The following RBFOX1 variants were observed in gnomAD, a reference collection of about 807,000 sequenced individuals.
RBFOX1 encodes the protein RNA binding fox-1 homolog 1, also known as RNA binding protein fox-1 homolog 1.
A neutral mutation model predicts 57.7 loss-of-function variants in RBFOX1; 8 were observed. The ratio of observed to expected loss-of-function variants is 0.14; its 90% CI spans 0.08 to 0.25. RBFOX1 has a LOEUF of 0.25. Among genes scored for constraint, RBFOX1 ranks in the 10% least tolerant of loss-of-function variants. The pLI, the probability that RBFOX1 is intolerant of heterozygous loss-of-function variation, is 1.00. For missense variants in RBFOX1, 611 were observed against 548.5 expected (o/e 1.11, Z -1.14); for synonymous variants, 326 against 222.4 (o/e 1.47, Z -4.15).
At chr16:6,115,770 A>G (rs1289251124) in intron 1 of RBFOX1, among the ~76,000 whole-genome samples, 2 of 152,194 alleles carry the variant, frequency 1.3e-5, no homozygotes, top group Non-Finnish European at 2.9e-5. Flanking sequence ...CCTTGTGGTC[A>G]TAATTCCCCA....
intron 2 of RBFOX1, among the ~76,000 whole-genome samples, chr16:5,508,241 C>G (rs139136830): frequency 1.7e-3 from 258 of 152,300 alleles, no homozygotes; most frequent in African/African-American, 6.1e-3. Context: ...GGGCGAGGGT[C>G]TCATCTGAGG....
intron 2 of RBFOX1, among the ~76,000 whole-genome samples, chr16:6,351,372 A>ATTTT (rs761394862): frequency 3.9e-4 from 34 of 86,420 alleles, no homozygotes; most frequent in South Asian, 9.5e-4. Flanking sequence ...ATATATATAT[A>ATTTT]TTTTTTTTTT....
At chr16:6,514,088 A>G (rs560197564) in intron 2 of RBFOX1, among the ~76,000 whole-genome samples, 12 of 152,318 alleles carry the variant, frequency 7.9e-5, no homozygotes, top group Non-Finnish European at 1.8e-4. Flanking sequence ...GTCGTCAAGA[A>G]TGAGCTTCCC....
At chr16:5,800,242 G>A (rs543213139) in intron 3 of RBFOX1, among the ~76,000 whole-genome samples, 1 of 152,172 alleles carries the variant, frequency 6.6e-6, no homozygotes, top group Non-Finnish European at 1.5e-5. Flanking sequence ...GGCATGTCCA[G>A]TCCAATGGTG....
At chr16:7,451,638 A>C (rs1198162377) in intron 4 of RBFOX1, among the ~76,000 whole-genome samples, 1 of 152,088 alleles carries the variant, frequency 6.6e-6, no homozygotes, top group Non-Finnish European at 1.5e-5. Flanking sequence ...AACATTTTGA[A>C]ATTAAACCTA....
At chr16:7,486,227 A>C (rs994557511) in intron 4 of RBFOX1, among the ~76,000 whole-genome samples, 1 of 139,696 alleles carries the variant, frequency 7.2e-6, no homozygotes, top group African/African-American at 2.7e-5. Context: ...GGTTCAAGTG[A>C]TTCTCCTGCC....
At chr16:6,740,076 A>C (rs903703770) in intron 3 of RBFOX1, among the ~76,000 whole-genome samples, 1 of 152,174 alleles carries the variant, frequency 6.6e-6, no homozygotes, top group African/African-American at 2.4e-5. Context: ...ACCCCAACCT[A>C]ATGAGGAATA....
chr16:6,531,938 G>T (rs1482994982), intron 2 of RBFOX1, among the ~76,000 whole-genome samples: 1 of 152,156 alleles, frequency 6.6e-6, no homozygotes, highest in Non-Finnish European at 1.5e-5. Context: ...ATTAGCAGTA[G>T]TCAGTGAGCT....
intron 4 of RBFOX1, among the ~76,000 whole-genome samples, chr16:6,007,269 GTT>G (rs1333806460): frequency 6.6e-6 from 1 of 152,230 alleles, no homozygotes; most frequent in Non-Finnish European, 1.5e-5. Context: ...GAAGAAGTCA[GTT>G]TCCCGCTTGG....
chr16:6,890,471 A>G (rs941555638), intron 3 of RBFOX1, among the ~76,000 whole-genome samples: 5 of 152,214 alleles, frequency 3.3e-5, no homozygotes, highest in African/African-American at 9.6e-5. Flanking sequence ...GTGAACTGAG[A>G]TAGCACCATG....
intron 4 of RBFOX1, among the ~76,000 whole-genome samples, chr16:7,135,801 T>C (rs1401047191): frequency 1.3e-5 from 2 of 152,244 alleles, no homozygotes; most frequent in Non-Finnish European, 2.9e-5. Context: ...AAGGCCTCAT[T>C]CCACTTATTT....
chr16:7,025,729 G>A (rs1234492626), intron 3 of RBFOX1, among the ~76,000 whole-genome samples: 1 of 152,006 alleles, frequency 6.6e-6, no homozygotes, highest in East Asian at 1.9e-4. Context: ...GGACATCCTA[G>A]CTGAGCAGGA....
chr16:6,700,605 C>G (rs552115438), intron 3 of RBFOX1, among the ~76,000 whole-genome samples: 1 of 152,074 alleles, frequency 6.6e-6, no homozygotes, highest in Non-Finnish European at 1.5e-5. Flanking sequence ...TTGCAGTGAG[C>G]TGAGATCGCA....
intron 4 of RBFOX1, among the ~76,000 whole-genome samples, chr16:7,380,121 A>T (rs1429281893): frequency 2.6e-5 from 4 of 152,118 alleles, no homozygotes; most frequent in Non-Finnish European, 1.5e-5. Context: ...GCTTCCCAAA[A>T]CACTGAGACT....
chr16:5,290,470 G>A (rs989631122), intron 1 of RBFOX1, among the ~76,000 whole-genome samples: 1 of 152,172 alleles, frequency 6.6e-6, no homozygotes, highest in Non-Finnish European at 1.5e-5. Flanking sequence ...CCTGATGGTG[G>A]TTGCCGAGCT....
intron 4 of RBFOX1, among the ~76,000 whole-genome samples, chr16:7,375,819 T>C (rs1442717505): frequency 6.6e-6 from 1 of 152,222 alleles, no homozygotes; most frequent in African/African-American, 2.4e-5. Context: ...TACTTTGTAA[T>C]TAAGACACTA....
intron 3 of RBFOX1, among the ~76,000 whole-genome samples, chr16:7,049,794 G>A (rs2049346778): frequency 6.6e-6 from 1 of 152,130 alleles, no homozygotes; most frequent in Admixed American, 6.6e-5. Flanking sequence ...AGGATGAAGT[G>A]TTTTCGCTCC....
At chr16:5,293,529 T>G (rs143948722) in intron 1 of RBFOX1, among the ~76,000 whole-genome samples, 4,841 of 152,268 alleles carry the variant, frequency 0.032, 262 homozygotes, top group African/African-American at 0.11. Flanking sequence ...CTCTCTCACT[T>G]AGCATGATGT....
chr16:6,674,407 C>T (rs566824910), intron 3 of RBFOX1, among the ~76,000 whole-genome samples: 8 of 152,034 alleles, frequency 5.3e-5, no homozygotes, highest in East Asian at 1.9e-4. Context: ...CCTCAACCTC[C>T]GCCTCCTGGG....
Sources: gnomAD v4.1 joint callset for allele counts (sites outside exome capture counted in the v4.1 genomes callset) on GRCh38, gnomAD v4.1.1 for gene constraint, MANE v1.5 for transcripts, NCBI Gene and HGNC (gene_info 2026-07-23, HGNC 2026-07-21) for gene names.